Variants in SAMMSON observed in about 807,000 individuals in gnomAD.
The protein encoded by SAMMSON is survival associated mitochondrial melanoma specific oncogenic non-coding RNA.
intron 7 of SAMMSON, among the ~76,000 whole-genome samples, chr3:70,291,446 C>T (rs1702238866): frequency 6.6e-6 from 1 of 152,182 alleles, no homozygotes; most frequent in African/African-American, 2.4e-5. Flanking sequence ...GCTACCTTCT[C>T]CAGATGGACC....
At chr3:70,140,888 C>T (rs1306852727) in intron 4 of SAMMSON, among the ~76,000 whole-genome samples, 2 of 152,140 alleles carry the variant, frequency 1.3e-5, no homozygotes, top group South Asian at 2.1e-4. Context: ...TTTCTACCAA[C>T]GTTCTGTTCG....
At chr3:70,146,108 A>G (rs918876138) in intron 4 of SAMMSON, among the ~76,000 whole-genome samples, 1 of 152,072 alleles carries the variant, frequency 6.6e-6, no homozygotes, top group African/African-American at 2.4e-5. Flanking sequence ...CCCAAAAACT[A>G]TAAACTGCCA....
intron 1 of SAMMSON, among the ~76,000 whole-genome samples, chr3:70,011,902 C>G (rs1335252158): frequency 5.3e-5 from 8 of 152,050 alleles, no homozygotes. Flanking sequence ...ACTGTGGAAA[C>G]TTACTCTGGA....
At chr3:70,192,932 C>T (rs7644064) in intron 4 of SAMMSON, among the ~76,000 whole-genome samples, 152,184 of 152,240 alleles carry the variant, frequency 1, 76,064 homozygotes, top group Middle Eastern at 1. Flanking sequence ...TTGGTGGGCG[C>T]GGGGGGTTGT....
chr3:70,390,091 A>T (rs1295314593), downstream of SAMMSON, among the ~76,000 whole-genome samples: 1 of 152,160 alleles, frequency 6.6e-6, no homozygotes, highest in Non-Finnish European at 1.5e-5. Flanking sequence ...TAAAGACAGT[A>T]CAGACTTGTT....
chr3:70,130,662 T>C (rs759170441), intron 4 of SAMMSON, among the ~76,000 whole-genome samples: 1 of 152,102 alleles, frequency 6.6e-6, no homozygotes, highest in Non-Finnish European at 1.5e-5. Flanking sequence ...CGAACTCAGT[T>C]ATTATGTTTT....
intron 6 of SAMMSON, among the ~76,000 whole-genome samples, chr3:70,273,858 A>G (rs1701997144): frequency 6.6e-6 from 1 of 152,092 alleles, no homozygotes; most frequent in Non-Finnish European, 1.5e-5. Flanking sequence ...GCTGGAGTGC[A>G]GTGGCACAAT....
intron 3 of SAMMSON, among the ~76,000 whole-genome samples, chr3:70,023,045 A>T (rs1016494431): frequency 2.6e-5 from 4 of 152,290 alleles, no homozygotes; most frequent in Middle Eastern, 3.4e-3. Context: ...AAACATCGCT[A>T]TGATCCGAAT....
At chr3:70,348,931 T>G (rs1702772154) in intron 7 of SAMMSON, among the ~76,000 whole-genome samples, 1 of 152,138 alleles carries the variant, frequency 6.6e-6, no homozygotes, top group Admixed American at 6.5e-5. Context: ...TCTCCCTTAT[T>G]TTTTCAGGCC....
chr3:70,378,378 T>G (rs1315421138), intron 9 of SAMMSON, among the ~76,000 whole-genome samples: 1 of 151,990 alleles, frequency 6.6e-6, no homozygotes, highest in Non-Finnish European at 1.5e-5. Flanking sequence ...ATAGAATGAT[T>G]GTACTTATAT....
chr3:70,187,235 G>A (rs780003772), intron 4 of SAMMSON, among the ~76,000 whole-genome samples: 36 of 152,120 alleles, frequency 2.4e-4, no homozygotes, highest in Non-Finnish European at 4.6e-4. Context: ...TTTCATTAAA[G>A]GGTGCCTTTT....
chr3:70,204,137 A>G (rs1036072832), intron 4 of SAMMSON, among the ~76,000 whole-genome samples: 2 of 152,168 alleles, frequency 1.3e-5, no homozygotes, highest in Non-Finnish European at 2.9e-5. Context: ...ATGTATATAA[A>G]TAATAGATAT....
intron 4 of SAMMSON, chr3:70,125,856 T>C (rs974080231): frequency 4.4e-6 from 3 of 674,582 alleles, no homozygotes; most frequent in African/African-American, 1.8e-5. Context: ...TCATTTTCTG[T>C]TGGTCCTCAT....
chr3:70,128,864 C>T (rs1201340457), intron 4 of SAMMSON, among the ~76,000 whole-genome samples: 1 of 152,076 alleles, frequency 6.6e-6, no homozygotes, highest in African/African-American at 2.4e-5. Flanking sequence ...AACATTTTTG[C>T]CTGGTATATC....
At chr3:70,422,008 G>A (rs4974288) in intron 2 of SAMMSON, among the ~76,000 whole-genome samples, 99,586 of 151,760 alleles carry the variant, frequency 0.66, 32,839 homozygotes, top group South Asian at 0.7. Context: ...ATGAAGGTGA[G>A]AGATAGTGTG....
chr3:70,324,419 C>A (rs1702563747), intron 7 of SAMMSON, among the ~76,000 whole-genome samples: 1 of 151,602 alleles, frequency 6.6e-6, no homozygotes, highest in South Asian at 2.1e-4. Flanking sequence ...GTTTGTCATT[C>A]TAGTCATAGG....
chr3:70,273,506 A>G (rs1231062514), intron 6 of SAMMSON, among the ~76,000 whole-genome samples: 2 of 152,224 alleles, frequency 1.3e-5, no homozygotes, highest in African/African-American at 4.8e-5. Context: ...AGTAAACTCC[A>G]GATAATACAG....
At chr3:70,086,232 A>G (rs184512611) in intron 4 of SAMMSON, among the ~76,000 whole-genome samples, 1 of 152,162 alleles carries the variant, frequency 6.6e-6, no homozygotes, top group Non-Finnish European at 1.5e-5. Context: ...CTCTTCTCAC[A>G]TCACCAGGGA....
At chr3:70,216,719 T>C (rs905833960) in intron 4 of SAMMSON, among the ~76,000 whole-genome samples, 3 of 152,148 alleles carry the variant, frequency 2.0e-5, no homozygotes, top group African/African-American at 7.2e-5. Flanking sequence ...AAATGTCACC[T>C]CCTGGGTGAG....
Sources: allele counts gnomAD v4.1 joint callset (sites outside exome capture counted in the v4.1 genomes callset), GRCh38; gene constraint gnomAD v4.1.1; transcripts MANE v1.5; gene names NCBI Gene and HGNC (gene_info 2026-07-23, HGNC 2026-07-21).